Variants in DNMT3A observed in about 807,000 individuals in gnomAD.
DNMT3A encodes the protein DNA (cytosine-5)-methyltransferase 3A.
Under a neutral mutation model 117.6 loss-of-function variants are expected in DNMT3A, and 267 were observed. The ratio of observed to expected loss-of-function variants is 2.27; its 90% CI spans 2.05 to 2.51. The LOEUF (loss-of-function observed/expected upper bound fraction) is 2.51, where lower values mean the gene tolerates loss of function less well. Among genes scored for constraint, DNMT3A ranks in the 30% most tolerant of loss-of-function variants. DNMT3A has a pLI of 0.00. For missense variants in DNMT3A, 1,029 were observed against 1,260.2 expected (o/e 0.82, Z 2.78); for synonymous variants, 432 against 474.8 (o/e 0.91, Z 1.17).
intron 6 of DNMT3A, among the ~76,000 whole-genome samples, chr2:25,259,277 CTG>C (rs1676411972): frequency 6.6e-6 from 1 of 152,240 alleles, no homozygotes; most frequent in African/African-American, 2.4e-5. Flanking sequence ...GTGACGGAGT[CTG>C]GGGCCAGGGA....
At chr2:25,264,514 C>G (rs2030084084) in intron 6 of DNMT3A, among the ~76,000 whole-genome samples, 1 of 151,370 alleles carries the variant, frequency 6.6e-6, no homozygotes, top group South Asian at 2.1e-4. Flanking sequence ...GTCGCCCAGG[C>G]TGGAGTGCAG....
intron 6 of DNMT3A, among the ~76,000 whole-genome samples, chr2:25,260,122 G>T (rs1676479956): frequency 6.6e-6 from 1 of 152,192 alleles, no homozygotes; most frequent in African/African-American, 2.4e-5. Context: ...TGATTAACCT[G>T]GCCCAGGTTT....
At chr2:25,285,756 C>T (rs935525501) in intron 3 of DNMT3A, among the ~76,000 whole-genome samples, 6 of 152,208 alleles carry the variant, frequency 3.9e-5, no homozygotes, top group African/African-American at 1.4e-4. Flanking sequence ...CTCCTCCCTC[C>T]CTGCTTAAGC....
At chr2:25,291,285 C>G (rs879456593) in intron 3 of DNMT3A, among the ~76,000 whole-genome samples, 2 of 152,252 alleles carry the variant, frequency 1.3e-5, no homozygotes, top group African/African-American at 4.8e-5. Flanking sequence ...GCTCTGCCCC[C>G]GAAGCATTGG....
At chr2:25,244,479 G>A (rs1674486564) in intron 14 of DNMT3A, 61 bp downstream of exon 14, 17 of 1,592,148 alleles carry the variant, frequency 1.1e-5, no homozygotes, top group African/African-American at 2.7e-5. Flanking sequence ...GAGGGGAGGC[G>A]GTGGGCGGCG....
chr2:25,314,007 G>T lies in DNMT3A; in HGVS notation c.-23C>A. ...CATCTGGGCGCCGGGAGGCAGGCTG[G>T]GGCTGCGCGGGGCTGGGGGGCTGCT... On this transcript the variant is annotated 5_prime_UTR_variant, in exon 2 of 23. Coordinates refer to ENST00000321117, the MANE Select transcript of DNMT3A (RefSeq NM_022552.5). 6.6e-7 allele frequency: 1 copy of T among 1,523,746 alleles called. No homozygotes were observed. Among genetic ancestry groups the T allele is most frequent in the East Asian group, 2.5e-5 (1 of 40,762 alleles). 94.4% of individuals were successfully genotyped at this position (1,523,746 alleles called of 1,614,324 possible). A position where few individuals can be genotyped will look rare whatever the true frequency, so the allele number is the denominator to read the frequency against.
At chr2:25,289,619 G>A (rs778941236) in intron 3 of DNMT3A, among the ~76,000 whole-genome samples, 4 of 152,210 alleles carry the variant, frequency 2.6e-5, no homozygotes, top group Non-Finnish European at 4.4e-5. Flanking sequence ...TTTGAAGGCC[G>A]ACTCCCGCTC....
intron 6 of DNMT3A, among the ~76,000 whole-genome samples, chr2:25,262,158 C>G (rs1676672068): frequency 6.7e-6 from 1 of 149,038 alleles, no homozygotes; most frequent in Admixed American, 6.8e-5. Flanking sequence ...CCACTGCACT[C>G]CAGCCTGGCG....
chr2:25,300,677 A>ATATTTAGATATCTAAATAATATAT (rs2033398351), intron 2 of DNMT3A, among the ~76,000 whole-genome samples: 1 of 60,896 alleles, frequency 1.6e-5, no homozygotes, highest in African/African-American at 7.1e-5. Context: ...ATTTAGATAT[A>ATATTTAGATATCTAAATAATATAT]TATTTAGATA....
rs574264033 is a variant in DNMT3A, at chr2:25,292,850, G to A, written c.177+7289C>T. On this transcript the variant is annotated intron_variant, in intron 3 of 22. Coordinates refer to ENST00000321117, the MANE Select transcript of DNMT3A (RefSeq NM_022552.5). The stretch of plus-strand genomic sequence containing the variant: ...TCTCCTCCAATGGGTGTGCCGGCGC[G>A]TACCTGCAACAGGAGGAACAATGCA... Among the ~76,000 whole-genome samples the A allele has an allele frequency of 6.3e-4, 96 of 152,210 alleles. 2 individuals are homozygous for A. The South Asian group carries it at 0.019, about 30-fold the overall frequency.
In DNMT3A at chr2:25,252,043, C is replaced by T. The variant is rs535328729; in HGVS notation, c.640-3791G>A. 802 of 1,028,440 alleles carry T rather than the reference C, an allele frequency of 7.8e-4. 5 individuals carry two copies. The African/African-American group carries it at 0.013, about 16-fold the overall frequency. The allele number at this position is 1,028,440 out of a possible 1,614,324, so 63.7% of individuals were successfully genotyped here. ...CGGGCCAGCACTAAGTCAGCATCTCCAGAACTCGGGCCAGGCCGGGACGCC... is the reference window on the plus strand; with the variant it reads ...CGGGCCAGCACTAAGTCAGCATCTCTAGAACTCGGGCCAGGCCGGGACGCC... On this transcript the variant is annotated intron_variant, in intron 6 of 22. Coordinates refer to ENST00000321117, the MANE Select transcript of DNMT3A (RefSeq NM_022552.5). The surrounding 1 kb of genome is among the most constrained non-coding windows in gnomAD (Gnocchi z 5.5).
chr2:25,313,442 G>A (rs1348345582), intron 2 of DNMT3A, among the ~76,000 whole-genome samples: 2 of 152,216 alleles, frequency 1.3e-5, no homozygotes, highest in African/African-American at 2.4e-5. Context: ...CTGTGTGGGA[G>A]GGTGGGCCCC....
chr2:25,335,123 G>A (rs1229881283), intron 1 of DNMT3A, among the ~76,000 whole-genome samples: 1 of 152,144 alleles, frequency 6.6e-6, no homozygotes, highest in Non-Finnish European at 1.5e-5. Context: ...ACAAAACTGA[G>A]ATTACACTAT....
intron 1 of DNMT3A, among the ~76,000 whole-genome samples, chr2:25,328,268 G>T (rs962715090): frequency 4.6e-5 from 7 of 152,120 alleles, no homozygotes; most frequent in African/African-American, 1.7e-4. Flanking sequence ...ATACGCTCTG[G>T]CCTGGTCTCA....
In DNMT3A at chr2:25,286,917, T is replaced by C. The variant is rs1043631435; in HGVS notation, c.178-4206A>G. ...CCTGTCTCCACAGCTTGTTGACCTC[T>C]GGAGGGCAGAGACTTTGCTCGATCT... is the stretch of plus-strand genomic sequence containing the variant. On this transcript the variant is annotated intron_variant, in intron 3 of 22. Coordinates refer to ENST00000321117, the MANE Select transcript of DNMT3A (RefSeq NM_022552.5). The surrounding 1 kb of genome is among the most constrained non-coding windows in gnomAD (Gnocchi z 4.3). Among the ~76,000 whole-genome samples the C allele has an allele frequency of 1.3e-5, 2 of 152,094 alleles. No homozygotes were observed. The highest frequency in any genetic ancestry group is 2.9e-5 in the Non-Finnish European group (2 of 67,986).
chr2:25,296,028 A>C lies in DNMT3A; in HGVS notation c.177+4111T>G, dbSNP rs2033064633. The stretch of plus-strand genomic sequence containing the variant: ...AAATGATACGGTTGTAAAATATAAA[A>C]TCACAGCACGTGGATGTGGCAACAT... On this transcript the variant is annotated intron_variant, in intron 3 of 22. Transcript: ENST00000321117. This position sits in a 1 kb window ranked among gnomAD's most constrained non-coding sequence, Gnocchi z 4.2. 6.6e-6 allele frequency among the ~76,000 whole-genome samples: 1 copy of C among 152,220 alleles called. No individual in the cohort carries two copies. The highest frequency in any genetic ancestry group is 1.5e-5 in the Non-Finnish European group (1 of 68,046).
chr2:25,333,800 AC>A (rs2035103894), intron 1 of DNMT3A, among the ~76,000 whole-genome samples: 1 of 152,170 alleles, frequency 6.6e-6, no homozygotes, highest in South Asian at 2.1e-4. Flanking sequence ...AAAATATTGC[AC>A]GTCATTCAGG....
At chr2:25,275,728 C>T (rs2031356082) in intron 4 of DNMT3A, among the ~76,000 whole-genome samples, 185 bp from the exon 5 acceptor site, 1 of 152,120 alleles carries the variant, frequency 6.6e-6, no homozygotes, top group Non-Finnish European at 1.5e-5. Flanking sequence ...CCCTGAGGAC[C>T]CAGCAGGGCC....
In DNMT3A at chr2:25,240,364, G is replaced by GCCAGAAGAAGGGGCGATCATCTCCCT; in HGVS notation, c.2234_2259dup (p.Leu754ArgfsTer34). The GCCAGAAGAAGGGGCGATCATCTCCCT allele has an allele frequency of 6.2e-7, 1 of 1,614,164 alleles. No homozygotes were observed. The highest frequency in any genetic ancestry group is 8.5e-7 in the Non-Finnish European group (1 of 1,180,012). ...CCCATGGCCACCACATTCTCAAAGA[G>GCCAGAAGAAGGGGCGATCATCTCCCT]CCAGAAGAAGGGGCGATCATCTCCC... On this transcript the variant is annotated frameshift_variant, in exon 19 of 23. Transcript: ENST00000321117. LOFTEE classifies it high-confidence loss of function.
Sources: allele counts gnomAD v4.1 joint callset (sites outside exome capture counted in the v4.1 genomes callset), GRCh38; gene constraint gnomAD v4.1.1; non-coding constraint Gnocchi (gnomAD v3.1); transcripts MANE v1.5; gene names NCBI Gene and HGNC (gene_info 2026-07-23, HGNC 2026-07-21).